Variants in TMEM266 observed in about 807,000 individuals in gnomAD.
TMEM266 encodes transmembrane protein 266.
Under a neutral mutation model 50.5 loss-of-function variants are expected in TMEM266, and 33 were observed. That is an observed-to-expected ratio of 0.65 (90% CI 0.50 to 0.87). The LOEUF is 0.87. Among genes scored for constraint, TMEM266 ranks in the 40% least tolerant of loss-of-function variants. The pLI is 0.00. For missense variants in TMEM266, 655 were observed against 695.1 expected (o/e 0.94, Z 0.65); for synonymous variants, 310 against 292.3 (o/e 1.06, Z -0.62).
intron 1 of TMEM266, among the ~76,000 whole-genome samples, chr15:76,087,630 TGA>T: frequency 6.6e-6 from 1 of 152,006 alleles, no homozygotes; most frequent in Non-Finnish European, 1.5e-5. Flanking sequence ...TAATCATGAA[TGA>T]GAGAGTGTAT....
At chr15:76,115,339 A>G (rs1326480636) in intron 1 of TMEM266, among the ~76,000 whole-genome samples, 2 of 152,132 alleles carry the variant, frequency 1.3e-5, no homozygotes, top group Non-Finnish European at 2.9e-5. Context: ...TGAACGTGGG[A>G]AGATGTCTTA....
chr15:76,116,560 G>C (rs1366105383), intron 1 of TMEM266, among the ~76,000 whole-genome samples: 1 of 151,908 alleles, frequency 6.6e-6, no homozygotes, highest in Admixed American at 6.6e-5. Context: ...CCCATCCGGA[G>C]TGGGGGTTGC....
chr15:76,111,202 T>G (rs1197998959), intron 1 of TMEM266, among the ~76,000 whole-genome samples: 1 of 151,826 alleles, frequency 6.6e-6, no homozygotes, highest in African/African-American at 2.4e-5. Flanking sequence ...TGTCTCAGCC[T>G]CCTGAGTAGC....
chr15:76,202,138 C>A, intron 9 of TMEM266, 64 bp from the exon 10 acceptor site: 9 of 1,404,702 alleles, frequency 6.4e-6, no homozygotes, highest in East Asian at 2.3e-5. Context: ...GGGGTGGGGA[C>A]AGGAGTATAA....
At position 76,134,469 on chromosome 15, in the gene TMEM266, C is replaced by T. The variant is rs146790440; in HGVS notation, c.38+168C>T. Among the ~76,000 whole-genome samples the T allele has an allele frequency of 2.4e-4, 37 of 152,280 alleles. 1 individual carries two copies. In the East Asian group the frequency reaches 6.6e-3, roughly 27 times the overall value. ...CAAGACTCAAGACAAGATTAGGAAG[C>T]GCTGAAGGTGAATTAATAAAATGGG... On this transcript the variant is annotated intron_variant, in intron 2 of 10. Transcript: ENST00000388942.
intron 1 of TMEM266, among the ~76,000 whole-genome samples, chr15:76,085,977 G>A (rs1156411087): frequency 6.6e-6 from 1 of 151,962 alleles, no homozygotes; most frequent in Non-Finnish European, 1.5e-5. Flanking sequence ...GAACCTGGGA[G>A]GTGGAGGTTG....
At chr15:76,187,398 CT>C (rs1403463447) in intron 8 of TMEM266, among the ~76,000 whole-genome samples, 2 of 152,214 alleles carry the variant, frequency 1.3e-5, no homozygotes, top group Non-Finnish European at 2.9e-5. Flanking sequence ...GATGAGTGGC[CT>C]TGGAGAAAGT....
At chr15:76,151,048 ACT>A (rs894465365) in intron 3 of TMEM266, among the ~76,000 whole-genome samples, 3 of 151,716 alleles carry the variant, frequency 2.0e-5, no homozygotes, top group Non-Finnish European at 2.9e-5. Flanking sequence ...GTATTTGCAG[ACT>A]CTGGCAGCCC....
At position 76,089,871 on chromosome 15, in the gene TMEM266, G is replaced by T. The variant is rs368338307; in HGVS notation, c.-97+29855G>T. Among the ~76,000 whole-genome samples the T allele has an allele frequency of 3.5e-4, 53 of 152,226 alleles. 5 individuals are homozygous for T. Among genetic ancestry groups the T allele is most frequent in the East Asian group, 1.9e-3 (10 of 5,164 alleles). On this transcript the variant is annotated intron_variant, in intron 1 of 10. Transcript: ENST00000388942. The stretch of plus-strand genomic sequence containing the variant: ...GAGACATTTCTGAGAGATTTGAGAG[G>T]ATTTGGCAACTGGTTGGGGGCTGTG...
intron 1 of TMEM266, among the ~76,000 whole-genome samples, chr15:76,088,461 T>C (rs1198900326): frequency 6.6e-6 from 1 of 151,936 alleles, no homozygotes; most frequent in African/African-American, 2.4e-5. Context: ...GAGACCAACC[T>C]GGGCAACAGA....
intron 1 of TMEM266, among the ~76,000 whole-genome samples, chr15:76,077,291 A>G (rs2036621489): frequency 6.6e-6 from 1 of 152,032 alleles, no homozygotes; most frequent in Non-Finnish European, 1.5e-5. Flanking sequence ...AGGGATGTCA[A>G]TTATGCATAG....
chr15:76,077,040 C>T (rs1203513753), intron 1 of TMEM266, among the ~76,000 whole-genome samples: 1 of 152,014 alleles, frequency 6.6e-6, no homozygotes, highest in Non-Finnish European at 1.5e-5. Context: ...TCTTGGCTCA[C>T]TGCAACCCCT....
chr15:76,134,000 T>A lies in TMEM266; in HGVS notation c.-96-168T>A, dbSNP rs553881586. Among the ~76,000 whole-genome samples, 5 of 152,268 alleles carry A rather than the reference T, an allele frequency of 3.3e-5. No individual in the cohort carries two copies. In the South Asian group the frequency reaches 6.2e-4, roughly 19 times the overall value. On this transcript the variant is annotated intron_variant, in intron 1 of 10. Coordinates refer to ENST00000388942, the MANE Select transcript of TMEM266 (RefSeq NM_152335.3). ...TGTTTCCTCATCTAAAAAAGAGAAA[T>A]TATGCTTATTATTACTCTTCCATAG...
At chr15:76,116,094 T>C (rs1460017105) in intron 1 of TMEM266, among the ~76,000 whole-genome samples, 2 of 152,152 alleles carry the variant, frequency 1.3e-5, no homozygotes, top group East Asian at 3.9e-4. Context: ...ACCACGTCCT[T>C]GCTTAGCCTC....
chr15:76,136,213 GAT>G (rs936226386), intron 2 of TMEM266, among the ~76,000 whole-genome samples: 2 of 152,238 alleles, frequency 1.3e-5, no homozygotes, highest in African/African-American at 4.8e-5. Context: ...AAAGTGTTGG[GAT>G]TACAGGCGTG....
chr15:76,077,947 A>G (rs1248801648), intron 1 of TMEM266, among the ~76,000 whole-genome samples: 1 of 152,096 alleles, frequency 6.6e-6, no homozygotes, highest in Non-Finnish European at 1.5e-5. Flanking sequence ...GATTTGAAAG[A>G]ACCCAATACT....
intron 1 of TMEM266, among the ~76,000 whole-genome samples, chr15:76,080,007 A>T (rs2036663003): frequency 1.3e-5 from 2 of 151,890 alleles, no homozygotes; most frequent in Admixed American, 1.3e-4. Flanking sequence ...TAGCATAAAG[A>T]TGCTTGGCAG....
chr15:76,174,564 A>G (rs553591586), intron 7 of TMEM266, among the ~76,000 whole-genome samples: 5 of 152,258 alleles, frequency 3.3e-5, no homozygotes, highest in East Asian at 1.9e-4. Flanking sequence ...AAAGTTCACA[A>G]TTCAGTGGTT....
intron 9 of TMEM266, among the ~76,000 whole-genome samples, chr15:76,201,957 C>T (rs774060857): frequency 2.0e-5 from 3 of 152,178 alleles, no homozygotes; most frequent in Non-Finnish European, 2.9e-5. Context: ...AGGGGTCTGT[C>T]CAGGTCAGTA....
Sources: allele counts gnomAD v4.1 joint callset (sites outside exome capture counted in the v4.1 genomes callset), GRCh38; gene constraint gnomAD v4.1.1; transcripts MANE v1.5; gene names NCBI Gene and HGNC (gene_info 2026-07-23, HGNC 2026-07-21).